KIF15: variants seen among roughly 807,000 people sequenced by gnomAD.
KIF15 encodes the protein kinesin family member 15.
A neutral mutation model predicts 190.6 loss-of-function variants in KIF15; 140 were observed. That is an observed-to-expected ratio of 0.73 (90% CI 0.64 to 0.84). The LOEUF (loss-of-function observed/expected upper bound fraction) is 0.84. Among genes scored for constraint, KIF15 ranks in the 40% least tolerant of loss-of-function variants. KIF15 has a pLI of 0.00. For missense variants in KIF15, 1,372 were observed against 1,584.4 expected, an observed-to-expected ratio of 0.87 and a Z score of 2.28; for synonymous variants, 528 against 551.3, an observed-to-expected ratio of 0.96 and a Z score of 0.59.
intron 3 of KIF15, among the ~76,000 whole-genome samples, chr3:44,776,990 A>ATTTTTT (rs371067828): frequency 3.4e-5 from 4 of 116,854 alleles, no homozygotes; most frequent in Non-Finnish European, 5.1e-5. Flanking sequence ...AACATCACAG[A>ATTTTTT]TTTTTTTTTT....
At chr3:44,809,539 G>T (rs1411520993) in intron 16 of KIF15, among the ~76,000 whole-genome samples, 1 of 151,990 alleles carries the variant, frequency 6.6e-6, no homozygotes, top group Non-Finnish European at 1.5e-5. Context: ...ATGAGAAAGG[G>T]ATTTAACTTA....
At chr3:44,865,440 T>C in intron 6 of KIF15, 1 of 469,324 alleles carries the variant, frequency 2.1e-6, no homozygotes, top group Non-Finnish European at 3.8e-6. Context: ...CCTTCGCAGA[T>C]GCTGGAGATC....
At chr3:44,839,104 C>T (rs1165099624) in intron 27 of KIF15, among the ~76,000 whole-genome samples, 3 of 152,130 alleles carry the variant, frequency 2.0e-5, no homozygotes, top group African/African-American at 7.2e-5. Flanking sequence ...GGTGCGGTGG[C>T]TCACACCTGT....
chr3:44,806,178 A>G (rs1424367880), intron 16 of KIF15, among the ~76,000 whole-genome samples, 192 bp downstream of exon 16: 1 of 152,232 alleles, frequency 6.6e-6, no homozygotes, highest in Non-Finnish European at 1.5e-5. Context: ...AGGGTGGGGT[A>G]GGAAAGAATT....
At chr3:44,867,058 G>A (rs1699330217) in intron 6 of KIF15, among the ~76,000 whole-genome samples, 1 of 152,176 alleles carries the variant, frequency 6.6e-6, no homozygotes, top group Non-Finnish European at 1.5e-5. Context: ...CAGCCAACCC[G>A]TGAGGGAGTT....
At chr3:44,831,717 T>C (rs1367303805) in intron 26 of KIF15, among the ~76,000 whole-genome samples, 3 of 152,230 alleles carry the variant, frequency 2.0e-5, no homozygotes, top group Admixed American at 2.0e-4. Flanking sequence ...AATTAGTATA[T>C]AAGCTAGGAG....
intron 31 of KIF15, 99 bp from the exon 32 acceptor site, chr3:44,848,422 C>A: frequency 1.6e-6 from 1 of 622,466 alleles, no homozygotes; most frequent in Non-Finnish European, 2.8e-6. Flanking sequence ...ATTTTATTCA[C>A]ATGAAGGAGA....
chr3:44,843,470 CAT>C (rs902305602), intron 30 of KIF15, among the ~76,000 whole-genome samples: 9 of 152,206 alleles, frequency 5.9e-5, no homozygotes, highest in Admixed American at 2.0e-4. Context: ...GAATTTAAAA[CAT>C]GTGAGATACT....
intron 30 of KIF15, among the ~76,000 whole-genome samples, chr3:44,847,424 AT>A (rs1172668529): frequency 3.3e-5 from 5 of 152,164 alleles, no homozygotes; most frequent in African/African-American, 1.2e-4. Context: ...ATATTGGAAC[AT>A]TCCTTTTCCA....
chr3:44,811,050 T>A lies in KIF15; in HGVS notation c.2169+7T>A, dbSNP rs745831519. The A allele has an allele frequency of 4.5e-6, 7 of 1,572,916 alleles. No individual in the cohort carries two copies. In the African/African-American group the frequency reaches 9.7e-5, roughly 22 times the overall value. ...AGAGCTTAGAACAGTGCAGGTAATGTTTTGTTCTAGAAAAAATAAATAACT... is the reference window on the plus strand; with the variant it reads ...AGAGCTTAGAACAGTGCAGGTAATGATTTGTTCTAGAAAAAATAAATAACT... On this transcript the variant is annotated splice_region_variant and intron_variant, in intron 17 of 34. Coordinates refer to ENST00000326047, the MANE Select transcript of KIF15 (RefSeq NM_020242.3).
chr3:44,764,534 G>C (rs765863091), intron 1 of KIF15, among the ~76,000 whole-genome samples: 1 of 152,124 alleles, frequency 6.6e-6, no homozygotes, highest in Non-Finnish European at 1.5e-5. Context: ...AGTTAGGGCT[G>C]TTATGAATAA....
At chr3:44,864,201 G>T (rs756373191) in intron 6 of KIF15, 1 of 1,613,902 alleles carries the variant, frequency 6.2e-7, no homozygotes, top group African/African-American at 1.3e-5. Context: ...CTGCAGGTGA[G>T]CATGGGTTTA....
chr3:44,775,448 T>A lies in KIF15; in HGVS notation c.246+11T>A. ...GTGGATACCACTCAGGTAATGATAA[T>A]TAGAAACTTAACTTTTTTTTTTTTT... is the stretch of plus-strand genomic sequence containing the variant. On this transcript the variant is annotated intron_variant, in intron 3 of 34. Coordinates refer to ENST00000326047, the MANE Select transcript of KIF15 (RefSeq NM_020242.3). The A allele has an allele frequency of 6.4e-7, 1 of 1,562,888 alleles. No homozygotes were observed. Among genetic ancestry groups the A allele is most frequent in the Admixed American group, 2.0e-5 (1 of 50,244 alleles).
At chr3:44,784,241 G>T (rs908533312) in intron 5 of KIF15, among the ~76,000 whole-genome samples, 1 of 152,092 alleles carries the variant, frequency 6.6e-6, no homozygotes, top group Non-Finnish European at 1.5e-5. Context: ...GCGCCATCTC[G>T]GCTCACTGCA....
At chr3:44,819,055 T>G (rs1036721145) in intron 20 of KIF15, among the ~76,000 whole-genome samples, 9 of 152,220 alleles carry the variant, frequency 5.9e-5, no homozygotes, top group African/African-American at 1.7e-4. Context: ...TATTCTCTGA[T>G]GGTAGTTTGT....
chr3:44,764,203 T>A (rs535583804), intron 1 of KIF15, among the ~76,000 whole-genome samples: 1 of 152,292 alleles, frequency 6.6e-6, no homozygotes, highest in African/African-American at 2.4e-5. Context: ...GTAACCACCA[T>A]CCAGATCAAG....
At chr3:44,856,752 C>T (rs547242678), downstream of KIF15, among the ~76,000 whole-genome samples, 13 of 152,216 alleles carry the variant, frequency 8.5e-5, no homozygotes, top group African/African-American at 3.1e-4. Flanking sequence ...GGAAGTAAAG[C>T]GGCCTTGAGA....
chr3:44,770,863 C>G (rs576988388), intron 1 of KIF15, among the ~76,000 whole-genome samples: 2 of 152,306 alleles, frequency 1.3e-5, no homozygotes, highest in African/African-American at 4.8e-5. Flanking sequence ...TTCCTTCACT[C>G]TGAAAAACAA....
rs1381110326 is a variant in KIF15, at chr3:44,865,122, C to G, written c.*60-8207C>G. On this transcript the variant is annotated intron_variant and NMD_transcript_variant, in intron 6 of 6. Transcript: ENST00000422209. Reference sequence around the variant, plus strand: ...GTGTTCCTTATTCTCTGCGGACTCACCCTAATCCACAGGAAGCTCCCACCC... The same window carrying G: ...GTGTTCCTTATTCTCTGCGGACTCAGCCTAATCCACAGGAAGCTCCCACCC... 1 of 1,614,150 alleles carries G rather than the reference C, an allele frequency of 6.2e-7. No homozygotes were observed. Among genetic ancestry groups the G allele is most frequent in the Non-Finnish European group, 8.5e-7 (1 of 1,180,014 alleles).
Sources: allele counts gnomAD v4.1 joint callset (sites outside exome capture counted in the v4.1 genomes callset), GRCh38; gene constraint gnomAD v4.1.1; transcripts MANE v1.5; gene names NCBI Gene and HGNC (gene_info 2026-07-23, HGNC 2026-07-21).